PRKAG1: variants seen among roughly 807,000 people sequenced by gnomAD.
The protein encoded by PRKAG1 is protein kinase AMP-activated non-catalytic subunit gamma 1.
A neutral mutation model predicts 48.2 loss-of-function variants in PRKAG1; 27 were observed. The observed-to-expected ratio is 0.56, with a 90% CI of 0.41 to 0.77. PRKAG1 has a LOEUF of 0.77. Among genes scored for constraint, PRKAG1 ranks in the 30% least tolerant of loss-of-function variants. PRKAG1 has a pLI of 0.00. For synonymous variants in PRKAG1, 130 were observed against 147.7 expected, an observed-to-expected ratio of 0.88 and a Z score of 0.87; for missense variants, 287 against 398.3, an observed-to-expected ratio of 0.72 and a Z score of 2.38.
chr12:49,006,696 G>A (rs545353403), intron 2 of PRKAG1, among the ~76,000 whole-genome samples: 26 of 152,300 alleles, frequency 1.7e-4, no homozygotes, highest in Non-Finnish European at 2.6e-4. Flanking sequence ...GAGGCTGGGC[G>A]TGGTGGCTCA....
At chr12:49,018,317 C>A (rs565659040) in intron 1 of PRKAG1, 7 of 368,130 alleles carry the variant, frequency 1.9e-5, no homozygotes, top group Admixed American at 1.1e-4. Flanking sequence ...GAAAGACCAT[C>A]GAGGTCCAGG....
At position 49,003,277 on chromosome 12, in the gene PRKAG1, T is replaced by G. The variant is rs759312041; in HGVS notation, c.755A>C (p.Glu252Ala). Reference sequence around the variant, plus strand: ...TACATCTAGGTTGTTGTAGGTCTTTTCTGCTGCCAGATTCTGGGGAGACAG... The same window carrying G: ...TACATCTAGGTTGTTGTAGGTCTTTGCTGCTGCCAGATTCTGGGGAGACAG... ...SKFDVINLAA[E>A]KTYNNLDVSV... Residue 252 changes from glutamate to alanine, a missense_variant, in exon 11 of 12, where the codon GAA becomes GCA. Glu to Ala is a moderately radical substitution (Grantham distance 107, BLOSUM62 -1). Transcript: ENST00000548065. 1.2e-6 allele frequency: 2 copies of G among 1,614,176 alleles called. No individual in the cohort carries two copies. The highest frequency in any genetic ancestry group is 1.6e-4 in the Middle Eastern group (1 of 6,062).
intron 1 of PRKAG1, among the ~76,000 whole-genome samples, chr12:49,013,858 C>T (rs1941859181): frequency 6.6e-6 from 1 of 152,076 alleles, no homozygotes; most frequent in Non-Finnish European, 1.5e-5. Context: ...TTGGGTTTAT[C>T]TTGGCAGTGT....
rs754965487 is a variant in PRKAG1, at chr12:49,005,032, G to T, written c.356-14C>A. On this transcript the variant is annotated splice_polypyrimidine_tract_variant and intron_variant, in intron 6 of 11. Coordinates refer to ENST00000548065, the MANE Select transcript of PRKAG1 (RefSeq NM_002733.5). This position sits in a 1 kb window ranked among gnomAD's most constrained non-coding sequence, Gnocchi z 4.1. Reference sequence around the variant, plus strand: ...GGAGATACACCTCTGAAGGGAAAAGGGATGGGTCACAAAATACCACCATGG... The same window carrying T: ...GGAGATACACCTCTGAAGGGAAAAGTGATGGGTCACAAAATACCACCATGG... 1 of 1,613,816 alleles carries T rather than the reference G, an allele frequency of 6.2e-7. No homozygotes were observed. Among genetic ancestry groups the T allele is most frequent in the Non-Finnish European group, 8.5e-7 (1 of 1,179,886 alleles).
In PRKAG1 at chr12:49,005,715, G is replaced by C. The variant is rs771722251; in HGVS notation, c.168+28C>G. 2 of 1,608,890 alleles carry C rather than the reference G, an allele frequency of 1.2e-6. No homozygotes were observed. Among genetic ancestry groups the C allele is most frequent in the Non-Finnish European group, 1.7e-6 (2 of 1,175,354 alleles). On this transcript the variant is annotated intron_variant, in intron 3 of 11. Transcript: ENST00000548065. The surrounding 1 kb of genome is among the most constrained non-coding windows in gnomAD (Gnocchi z 4.1). ...AGGTATTAAACCACAGGCTCCAAAG[G>C]GGGAAGGGAAAAGAGGATTTCACCC...
rs1370827896 is a variant in PRKAG1 at position 49,004,867 on chromosome 12, T to C, written c.410+97A>G. On this transcript the variant is annotated intron_variant, in intron 7 of 11. Transcript: ENST00000548065. ...TGTGTGTGTGTGTGTGTGTGTCTTT[T>C]CTCTCTTCTTCCCCTTTCCCTGGGT... The C allele has an allele frequency of 5.0e-6, 6 of 1,200,828 alleles. No homozygotes were observed. In the East Asian group the frequency reaches 1.4e-4, roughly 28 times the overall value. The allele number at this position is 1,200,828 out of a possible 1,614,324, so 74.4% of individuals were successfully genotyped here.
chr12:49,010,006 A>G (rs1941694160), intron 2 of PRKAG1, among the ~76,000 whole-genome samples: 1 of 152,158 alleles, frequency 6.6e-6, no homozygotes, highest in African/African-American at 2.4e-5. Context: ...TTTTCTTCTC[A>G]TCTTTTCCTT....
intron 10 of PRKAG1, 54 bp from the exon 11 acceptor site, chr12:49,003,344 C>T (rs1941373123): frequency 6.2e-7 from 1 of 1,609,018 alleles, no homozygotes; most frequent in Admixed American, 1.7e-5. Flanking sequence ...AGCCTCCAAA[C>T]CCTGAACCCA....
At chr12:49,010,139 C>T (rs1941698656) in intron 2 of PRKAG1, among the ~76,000 whole-genome samples, 1 of 151,970 alleles carries the variant, frequency 6.6e-6, no homozygotes, top group South Asian at 2.1e-4. Flanking sequence ...AACAAAGGTA[C>T]ATTCCAGAGT....
rs200890941 is a variant in PRKAG1 at position 49,002,792 on chromosome 12, A to G, written c.*107T>C. Reference sequence around the variant, plus strand: ...GATAGAAGGGCAGGGGACCCTGAACAGGGAACAGAGTCACAATTCCCTCAA... The same window carrying G: ...GATAGAAGGGCAGGGGACCCTGAACGGGGAACAGAGTCACAATTCCCTCAA... On this transcript the variant is annotated 3_prime_UTR_variant, in exon 12 of 12. Transcript: ENST00000548065. The G allele has an allele frequency of 1.8e-6, 2 of 1,091,874 alleles. No individual in the cohort carries two copies. Among genetic ancestry groups the G allele is most frequent in the Non-Finnish European group, 2.7e-6 (2 of 734,234 alleles). The allele number at this position is 1,091,874 out of a possible 1,614,324, so 67.6% of individuals were successfully genotyped here. A position where few individuals can be genotyped will look rare whatever the true frequency, so the allele number is the denominator to read the frequency against.
chr12:49,003,472 G>T (rs1941378829), intron 10 of PRKAG1, 86 bp downstream of exon 10: 1 of 1,566,270 alleles, frequency 6.4e-7, no homozygotes, highest in African/African-American at 1.4e-5. Context: ...TTAGATCACA[G>T]AAGAGACTCC....
chr12:49,002,871 C>T lies in PRKAG1; in HGVS notation c.*28G>A. On this transcript the variant is annotated 3_prime_UTR_variant, in exon 12 of 12. Transcript: ENST00000548065. ...GCAGGCAGTGAGTTGGGCATATCCC[C>T]TGGTGCTGCATGACCCCTTCCCCCA... 2 of 1,589,274 alleles carry T rather than the reference C, an allele frequency of 1.3e-6. No homozygotes were observed. Among genetic ancestry groups the T allele is most frequent in the Admixed American group, 3.4e-5 (2 of 59,688 alleles).
chr12:49,004,135 C>A (rs1400710840), intron 8 of PRKAG1: 9 of 609,964 alleles, frequency 1.5e-5, no homozygotes, highest in Non-Finnish European at 2.1e-5. Flanking sequence ...ATAAAAAATA[C>A]CAAAAAATTA....
intron 1 of PRKAG1, among the ~76,000 whole-genome samples, chr12:49,014,120 C>A (rs1332390756): frequency 6.6e-6 from 1 of 152,126 alleles, no homozygotes; most frequent in African/African-American, 2.4e-5. Flanking sequence ...CTGACCTCAA[C>A]TGATCTGCCC....
intron 2 of PRKAG1, chr12:49,008,686 A>T (rs565515528): frequency 2.6e-5 from 4 of 152,294 alleles, no homozygotes; most frequent in Admixed American, 2.0e-4. Context: ...TGGATTTATA[A>T]TTCGGCTGAA....
At chr12:49,013,729 C>T (rs1941854650) in intron 1 of PRKAG1, among the ~76,000 whole-genome samples, 1 of 152,160 alleles carries the variant, frequency 6.6e-6, no homozygotes, top group Non-Finnish European at 1.5e-5. Flanking sequence ...GGTTCCAGAG[C>T]TTGTGGTTTG....
Position 49,005,647 on chromosome 12 carries a change from A to G in PRKAG1, c.168+96T>C. On this transcript the variant is annotated intron_variant, in intron 3 of 11. Coordinates refer to ENST00000548065, the MANE Select transcript of PRKAG1 (RefSeq NM_002733.5). This position sits in a 1 kb window ranked among gnomAD's most constrained non-coding sequence, Gnocchi z 4.1. ...TTGGGTAAAACATGAGACTAACTTC[A>G]CAGAAGGATAAGGATATTACCCTTA... The G allele has an allele frequency of 6.2e-7, 1 of 1,611,024 alleles. No individual in the cohort carries two copies. The highest frequency in any genetic ancestry group is 8.5e-7 in the Non-Finnish European group (1 of 1,177,768).
At chr12:49,017,268 TCAGCTCACTC>T (rs1452197564) in intron 1 of PRKAG1, 3 of 452,776 alleles carry the variant, frequency 6.6e-6, no homozygotes, top group Non-Finnish European at 1.3e-5. Context: ...TGGCATGATC[TCAGCTCACTC>T]CAGCCTCCAC....
rs973807181 is a variant in PRKAG1 at position 49,002,582 on chromosome 12, G to T, written c.*317C>A. The T allele has an allele frequency of 9.2e-6, 4 of 436,728 alleles. No individual in the cohort carries two copies. The highest frequency in any genetic ancestry group is 8.0e-5 in the African/African-American group (4 of 49,752). 27.1% of individuals were successfully genotyped at this position (436,728 alleles called of 1,614,324 possible). A position where few individuals can be genotyped will look rare whatever the true frequency, so the allele number is the denominator to read the frequency against. ...GAGGCAGAGGCAAGTGAGGTCTGGG[G>T]ATCTCTTAGAGATCAGAATTTGTCT... On this transcript the variant is annotated 3_prime_UTR_variant, in exon 12 of 12. Transcript: ENST00000548065.
Sources: allele counts gnomAD v4.1 joint callset (sites outside exome capture counted in the v4.1 genomes callset), GRCh38; gene constraint gnomAD v4.1.1; non-coding constraint Gnocchi (gnomAD v3.1); transcripts MANE v1.5; gene names NCBI Gene and HGNC (gene_info 2026-07-23, HGNC 2026-07-21).